The following PRKN variants were observed in gnomAD, a reference collection of about 807,000 sequenced individuals.
PRKN encodes the protein parkin RBR E3 ubiquitin protein ligase.
A neutral mutation model predicts 59.5 loss-of-function variants in PRKN; 56 were observed. The ratio of observed to expected loss-of-function variants is 0.94; its 90% CI spans 0.76 to 1.18. The LOEUF is 1.18. Among genes scored for constraint, PRKN ranks in the 50% most tolerant of loss-of-function variants. The probability of loss-of-function intolerance (pLI) is 0.00; values close to 1 mark genes in which losing one functional copy is unlikely to be tolerated. For synonymous variants in PRKN, 250 were observed against 222.1 expected (o/e 1.13, Z -1.12); for missense variants, 657 against 596.4 (o/e 1.10, Z -1.06).
chr6:162,221,719 C>A (rs1401467330), intron 3 of PRKN, among the ~76,000 whole-genome samples: 2 of 152,014 alleles, frequency 1.3e-5, no homozygotes, highest in East Asian at 3.9e-4. Flanking sequence ...TACTAGTGGG[C>A]ACAAGAGAGG....
At chr6:161,450,723 A>C (rs113398446) in intron 9 of PRKN, among the ~76,000 whole-genome samples, 30,026 of 151,914 alleles carry the variant, frequency 0.2, 3,106 homozygotes, top group Middle Eastern at 0.31. Context: ...CACCCAGCTA[A>C]TTTTTGTATT....
chr6:162,145,538 C>T (rs1343600933), intron 4 of PRKN, among the ~76,000 whole-genome samples: 2 of 152,084 alleles, frequency 1.3e-5, no homozygotes, highest in East Asian at 3.9e-4. Flanking sequence ...AAGAATTAGA[C>T]AAATGCACAG....
At chr6:161,977,480 A>T (rs76196145) in intron 5 of PRKN, among the ~76,000 whole-genome samples, 1,875 of 151,764 alleles carry the variant, frequency 0.012, 33 homozygotes, top group African/African-American at 0.043. Context: ...ATACTGCATA[A>T]TAAGCAAATC....
At chr6:162,560,417 G>A (rs903953311) in intron 1 of PRKN, among the ~76,000 whole-genome samples, 9 of 152,118 alleles carry the variant, frequency 5.9e-5, no homozygotes, top group African/African-American at 2.2e-4. Context: ...AGTAATCAAA[G>A]TCAGGTCATA....
intron 4 of PRKN, among the ~76,000 whole-genome samples, chr6:162,143,892 T>C (rs1395017186): frequency 2.0e-5 from 3 of 152,182 alleles, no homozygotes; most frequent in African/African-American, 7.2e-5. Context: ...CACAGAGAGA[T>C]ATGAGTAATT....
intron 2 of PRKN, among the ~76,000 whole-genome samples, chr6:162,349,734 C>A (rs1393550367): frequency 6.6e-6 from 1 of 152,162 alleles, no homozygotes; most frequent in Non-Finnish European, 1.5e-5. Context: ...GGACCTACAG[C>A]TAACTTTATA....
chr6:161,359,986 C>T lies in PRKN; in HGVS notation c.1285+102G>A, dbSNP rs1472209587. 8.1e-6 allele frequency: 7 copies of T among 861,070 alleles called. No homozygotes were observed. The East Asian group carries it at 1.2e-4, about 15-fold the overall frequency. The allele number at this position is 861,070 out of a possible 1,614,324, so 53.3% of individuals were successfully genotyped here. On this transcript the variant is annotated intron_variant, in intron 11 of 11. Transcript: ENST00000366898. This position sits in a 1 kb window ranked among gnomAD's most constrained non-coding sequence, Gnocchi z 5.4. ...TCGAGGGGTTACCCAACACACCAGG[C>T]ACCTTCAGACAGCATCTCCTTTAAT...
At chr6:162,346,662 T>C (rs1449098920) in intron 2 of PRKN, among the ~76,000 whole-genome samples, 1 of 151,928 alleles carries the variant, frequency 6.6e-6, no homozygotes, top group Non-Finnish European at 1.5e-5. Context: ...AAGTCCTCTA[T>C]TTCTAGTTTG....
intron 4 of PRKN, among the ~76,000 whole-genome samples, chr6:162,063,066 T>C (rs1255495786): frequency 6.6e-6 from 1 of 152,146 alleles, no homozygotes; most frequent in Non-Finnish European, 1.5e-5. Context: ...CAGGTAGAAC[T>C]TCCTTCTTGT....
chr6:161,575,323 GCTC>G lies in PRKN; in HGVS notation c.872-5910_872-5908del, dbSNP rs1380872247. ...GGTCATTTTATCATCTAACGGGGAAGCTCCTCAATGAAAACGCGTCACAAAGTT... is the reference window on the plus strand; with the variant it reads ...GGTCATTTTATCATCTAACGGGGAAGCTCAATGAAAACGCGTCACAAAGTT... On this transcript the variant is annotated intron_variant, in intron 7 of 11. Transcript: ENST00000366898. This position sits in a 1 kb window ranked among gnomAD's most constrained non-coding sequence, Gnocchi z 4.6. Among the ~76,000 whole-genome samples, 4 of 152,042 alleles carry G rather than the reference GCTC, an allele frequency of 2.6e-5. No individual in the cohort carries two copies. The highest frequency in any genetic ancestry group is 9.7e-5 in the African/African-American group (4 of 41,376).
rs148993812 is a variant in PRKN, at chr6:162,695,486, G to A, written c.7+32176C>T. 3.9e-4 allele frequency among the ~76,000 whole-genome samples: 59 copies of A among 152,174 alleles called. 1 individual carries two copies. The East Asian group carries it at 0.011, about 27-fold the overall frequency. On this transcript the variant is annotated intron_variant, in intron 1 of 11. Transcript: ENST00000366898. ...CAAGACATGACTTTCTCTGTAAAATGAGACCTGCAAAAACATTATATATCT... is the reference window on the plus strand; with the variant it reads ...CAAGACATGACTTTCTCTGTAAAATAAGACCTGCAAAAACATTATATATCT...
chr6:161,417,448 CAAAAAAA>C lies in PRKN; in HGVS notation c.1084-30578_1084-30572del, dbSNP rs397741750. On this transcript the variant is annotated intron_variant, in intron 9 of 11. Transcript: ENST00000366898. The surrounding 1 kb of genome is among the most constrained non-coding windows in gnomAD (Gnocchi z 5.4). ...CTGGCAACAGAGCCAGACGCCGTTT[CAAAAAAA>C]AAAAAAAAAAGTCATCTAATGCCTC... 8.9e-6 allele frequency among the ~76,000 whole-genome samples: 1 copy of C among 112,914 alleles called. No homozygotes were observed. The highest frequency in any genetic ancestry group is 1.9e-5 in the Non-Finnish European group (1 of 53,942). 74.1% of individuals were successfully genotyped at this position (112,914 alleles called of 152,430 possible). A position where few individuals can be genotyped will look rare whatever the true frequency, so the allele number is the denominator to read the frequency against.
chr6:162,726,663 A>G (rs1779213161), intron 1 of PRKN, among the ~76,000 whole-genome samples: 1 of 152,120 alleles, frequency 6.6e-6, no homozygotes, highest in Admixed American at 6.5e-5. Context: ...TTATAAATCC[A>G]CCTCTCATCT....
At chr6:161,976,113 C>T (rs1387595186) in intron 5 of PRKN, among the ~76,000 whole-genome samples, 1 of 152,076 alleles carries the variant, frequency 6.6e-6, no homozygotes, top group Non-Finnish European at 1.5e-5. Flanking sequence ...CCGTGTTGGC[C>T]AGGCTAGTCT....
chr6:161,934,090 T>A (rs540290557), intron 6 of PRKN, among the ~76,000 whole-genome samples: 2 of 152,210 alleles, frequency 1.3e-5, no homozygotes, highest in Non-Finnish European at 2.9e-5. Flanking sequence ...GAAGAGGTAA[T>A]TGAATCACGG....
At chr6:162,070,543 G>A (rs541892800) in intron 4 of PRKN, among the ~76,000 whole-genome samples, 35 of 152,194 alleles carry the variant, frequency 2.3e-4, no homozygotes, top group African/African-American at 7.2e-4. Context: ...GGTGTTCTTA[G>A]TTCTTCTTAA....
intron 2 of PRKN, among the ~76,000 whole-genome samples, chr6:162,296,828 C>T (rs1179361946): frequency 6.6e-6 from 1 of 152,148 alleles, no homozygotes; most frequent in Non-Finnish European, 1.5e-5. Context: ...ATGTCTTCAG[C>T]TACCCAAGGA....
chr6:161,555,770 G>A (rs1780213527), intron 8 of PRKN, among the ~76,000 whole-genome samples: 2 of 152,086 alleles, frequency 1.3e-5, no homozygotes, highest in South Asian at 4.1e-4. Flanking sequence ...CATGGCCTGA[G>A]TTTGGCATAG....
chr6:161,533,785 C>T lies in PRKN; in HGVS notation c.1083+15069G>A, dbSNP rs542369631. On this transcript the variant is annotated intron_variant, in intron 9 of 11. Coordinates refer to ENST00000366898, the MANE Select transcript of PRKN (RefSeq NM_004562.3). The surrounding 1 kb of genome is among the most constrained non-coding windows in gnomAD (Gnocchi z 4.1). The stretch of plus-strand genomic sequence containing the variant: ...CTTCCGCCTGTTAAACTTTCCACTC[C>T]TTAACCCACCCACGTGTCTGTGTAC... Among the ~76,000 whole-genome samples, 1 of 151,694 alleles carries T rather than the reference C, an allele frequency of 6.6e-6. No individual in the cohort carries two copies. Among genetic ancestry groups the T allele is most frequent in the African/African-American group, 2.4e-5 (1 of 41,482 alleles).
Sources: gnomAD v4.1 joint callset for allele counts (sites outside exome capture counted in the v4.1 genomes callset) on GRCh38, gnomAD v4.1.1 for gene constraint, Gnocchi (gnomAD v3.1) non-coding constraint, MANE v1.5 for transcripts, NCBI Gene and HGNC (gene_info 2026-07-23, HGNC 2026-07-21) for gene names.